Variants in PHYHIPL observed in about 807,000 individuals in gnomAD.
PHYHIPL encodes the protein phytanoyl-CoA 2-hydroxylase interacting protein like.
In PHYHIPL, 9 loss-of-function variants were observed where a neutral mutation model predicts 33.4. The observed-to-expected ratio is 0.27, with a 90% CI of 0.16 to 0.47. The LOEUF (loss-of-function observed/expected upper bound fraction) is 0.47, where lower values mean the gene tolerates loss of function less well. Among genes scored for constraint, PHYHIPL ranks in the 20% least tolerant of loss-of-function variants. The probability of loss-of-function intolerance (pLI) is 0.99; values close to 1 mark genes in which losing one functional copy is unlikely to be tolerated. For synonymous variants in PHYHIPL, 153 were observed against 154.1 expected (o/e 0.99, Z 0.05); for missense variants, 365 against 460.7 (o/e 0.79, Z 1.90).
intron 1 of PHYHIPL, among the ~76,000 whole-genome samples, chr10:59,232,139 G>A (rs1380820226): frequency 2.0e-5 from 3 of 151,912 alleles, no homozygotes; most frequent in South Asian, 2.1e-4. Context: ...CTCATAGGTG[G>A]GAATTGAACA....
chr10:59,187,360 GTT>G (rs1164850674), intron 1 of PHYHIPL, among the ~76,000 whole-genome samples: 3 of 152,134 alleles, frequency 2.0e-5, no homozygotes, highest in Non-Finnish European at 2.9e-5. Flanking sequence ...GCTGGATTCG[GTT>G]TGCCAGTATT....
At chr10:59,223,900 T>C (rs1156938951) in intron 1 of PHYHIPL, among the ~76,000 whole-genome samples, 2 of 152,088 alleles carry the variant, frequency 1.3e-5, no homozygotes, top group Non-Finnish European at 2.9e-5. Flanking sequence ...GTTCAGGTGA[T>C]CCTCCCATAT....
chr10:59,180,277 C>CAT (rs1554854117), intron 1 of PHYHIPL, among the ~76,000 whole-genome samples: 1 of 139,206 alleles, frequency 7.2e-6, no homozygotes, highest in Middle Eastern at 3.4e-3. Flanking sequence ...CACACACACA[C>CAT]ATACACACAC....
chr10:59,216,265 C>T (rs1271880633), intron 1 of PHYHIPL, among the ~76,000 whole-genome samples: 1 of 151,982 alleles, frequency 6.6e-6, no homozygotes, highest in Non-Finnish European at 1.5e-5. Context: ...TGGCTAGTGG[C>T]ACTCACACTG....
chr10:59,222,647 T>A (rs1839810173), intron 1 of PHYHIPL, among the ~76,000 whole-genome samples: 1 of 152,084 alleles, frequency 6.6e-6, no homozygotes, highest in Non-Finnish European at 1.5e-5. Flanking sequence ...CATTATTACC[T>A]TTTTCAGTAT....
intron 1 of PHYHIPL, chr10:59,183,614 TACA>T (rs1348573724): frequency 2.0e-6 from 2 of 979,858 alleles, no homozygotes; most frequent in Admixed American, 6.1e-5. Flanking sequence ...GAAATAAATC[TACA>T]ACCAGGTTTG....
chr10:59,195,273 G>C (rs1237579890), intron 1 of PHYHIPL, among the ~76,000 whole-genome samples: 1 of 152,160 alleles, frequency 6.6e-6, no homozygotes, highest in Non-Finnish European at 1.5e-5. Flanking sequence ...TTAGGTTCAT[G>C]GCTGAGGCCA....
chr10:59,177,491 T>C (rs1838286031), intron 1 of PHYHIPL: 15 of 1,549,168 alleles, frequency 9.7e-6, no homozygotes, highest in Admixed American at 5.9e-5. Context: ...AGTTTTTCAG[T>C]GAGGGCGCAG....
chr10:59,209,917 C>A (rs1378092920), intron 1 of PHYHIPL, among the ~76,000 whole-genome samples: 3 of 151,880 alleles, frequency 2.0e-5, no homozygotes, highest in Admixed American at 6.6e-5. Flanking sequence ...CAAAAATATA[C>A]AAAAATTAAC....
intron 1 of PHYHIPL, among the ~76,000 whole-genome samples, chr10:59,194,849 C>A (rs890604424): frequency 6.6e-6 from 1 of 152,054 alleles, no homozygotes; most frequent in African/African-American, 2.4e-5. Flanking sequence ...GTAGCTAAAT[C>A]GGATAATTTA....
chr10:59,202,195 A>G (rs1839138839), intron 1 of PHYHIPL, among the ~76,000 whole-genome samples: 1 of 152,112 alleles, frequency 6.6e-6, no homozygotes, highest in African/African-American at 2.4e-5. Flanking sequence ...TTAAAATATT[A>G]TCCCAAAGGA....
chr10:59,212,418 C>T (rs941204272), intron 1 of PHYHIPL, among the ~76,000 whole-genome samples: 15 of 152,148 alleles, frequency 9.9e-5, no homozygotes, highest in Non-Finnish European at 1.8e-4. Flanking sequence ...ACTGTAATCT[C>T]ATTGCATGTA....
Position 59,195,140 on chromosome 10 carries a change from G to T in PHYHIPL, c.106+18181G>T, listed in dbSNP as rs187071739. Among the ~76,000 whole-genome samples the T allele has an allele frequency of 1.9e-3, 289 of 152,164 alleles. 2 individuals carry two copies. Among genetic ancestry groups the T allele is most frequent in the Non-Finnish European group, 2.3e-3 (154 of 67,994 alleles). ...TATTATATTAATTATGTAATTTAAG[G>T]TATTGTTTAATTTATTTTGGTGCTA... On this transcript the variant is annotated intron_variant, in intron 1 of 4. Coordinates refer to ENST00000373880, the MANE Select transcript of PHYHIPL (RefSeq NM_032439.4).
Position 59,246,794 on chromosome 10 carries a change from C to T in PHYHIPL, c.*1203C>T, listed in dbSNP as rs936972652. 3 of 392,062 alleles carry T rather than the reference C, an allele frequency of 7.7e-6. No individual in the cohort carries two copies. The highest frequency in any genetic ancestry group is 1.4e-5 in the Non-Finnish European group (3 of 222,008). The allele number at this position is 392,062 out of a possible 1,614,324, so 24.3% of individuals were successfully genotyped here. On this transcript the variant is annotated 3_prime_UTR_variant, in exon 5 of 5. Transcript: ENST00000373880. ...ATTCCCAATGAAAAAATAGTTATAT[C>T]ATCTTATAGTAAACCAAAAGATTAG...
intron 4 of PHYHIPL, among the ~76,000 whole-genome samples, chr10:59,242,866 A>G (rs1840453105): frequency 6.6e-6 from 1 of 152,178 alleles, no homozygotes; most frequent in Non-Finnish European, 1.5e-5. Context: ...TGAACAACAG[A>G]GATAAAACTC....
chr10:59,220,644 T>C (rs1260523167), intron 1 of PHYHIPL, among the ~76,000 whole-genome samples: 1 of 152,040 alleles, frequency 6.6e-6, no homozygotes, highest in Non-Finnish European at 1.5e-5. Flanking sequence ...GTTCTATTAT[T>C]TTACAAATAC....
At position 59,245,170 on chromosome 10, in the gene PHYHIPL, A is replaced by G; in HGVS notation, c.710A>G (p.Asn237Ser). Residue 237 changes from asparagine to serine, a missense_variant, in exon 5 of 5, where the codon AAT becomes AGT. Physicochemically the swap from Asn to Ser is conservative, Grantham distance 46 (BLOSUM62 1). Coordinates refer to ENST00000373880, the MANE Select transcript of PHYHIPL (RefSeq NM_032439.4). ...GIFFSCSTEF[N>S]TGKPPQDSPY... Reference sequence around the variant, plus strand: ...TTCTTCAGCTGCAGCACTGAATTCAATACTGGAAAGCCACCCCAGGATTCA... The same window carrying G: ...TTCTTCAGCTGCAGCACTGAATTCAGTACTGGAAAGCCACCCCAGGATTCA... The G allele has an allele frequency of 6.2e-7, 1 of 1,614,156 alleles. No homozygotes were observed. The highest frequency in any genetic ancestry group is 8.5e-7 in the Non-Finnish European group (1 of 1,180,024).
intron 1 of PHYHIPL, among the ~76,000 whole-genome samples, chr10:59,199,129 C>T (rs574625752): frequency 0.02 from 2,969 of 152,220 alleles, 44 homozygotes; most frequent in Non-Finnish European, 0.032. Context: ...GAAGTCCTTG[C>T]CCATGCCTAT....
chr10:59,178,370 A>G (rs1044242653), intron 1 of PHYHIPL, among the ~76,000 whole-genome samples: 1 of 152,150 alleles, frequency 6.6e-6, no homozygotes, highest in African/African-American at 2.4e-5. Flanking sequence ...TATGGTATCT[A>G]AAAACATTTA....
Sources: allele counts gnomAD v4.1 joint callset (sites outside exome capture counted in the v4.1 genomes callset), GRCh38; gene constraint gnomAD v4.1.1; transcripts MANE v1.5; gene names NCBI Gene and HGNC (gene_info 2026-07-23, HGNC 2026-07-21).